The following MYO18B variants were observed in gnomAD, a reference collection of about 807,000 sequenced individuals.
MYO18B encodes unconventional myosin-XVIIIb.
A neutral mutation model predicts 273.0 loss-of-function variants in MYO18B; 204 were observed. The observed-to-expected ratio is 0.75, with a 90% CI of 0.67 to 0.84. The LOEUF (loss-of-function observed/expected upper bound fraction) is 0.84, where lower values mean the gene tolerates loss of function less well. Ranked by LOEUF, MYO18B falls within the 40% of genes least tolerant of loss-of-function variation. MYO18B has a pLI of 0.00. For missense variants in MYO18B, 3,212 were observed against 3,287.6 expected, an observed-to-expected ratio of 0.98 and a Z score of 0.56; for synonymous variants, 1,330 against 1,305.7, an observed-to-expected ratio of 1.02 and a Z score of -0.40.
intron 42 of MYO18B, among the ~76,000 whole-genome samples, chr22:26,017,852 T>C (rs1436841873): frequency 1.3e-5 from 2 of 152,116 alleles, no homozygotes; most frequent in Non-Finnish European, 2.9e-5. Flanking sequence ...AGAGCTCCCA[T>C]ATATCCTTTT....
rs1360884254 is a variant in MYO18B at position 25,992,358 on chromosome 22, C to T, written c.6157-5C>T. ...CCAACGTGTGTTTGCATCTTCTGTC[C>T]CCAGGAGAAGTACGTGGAGGAACTT... On this transcript the variant is annotated splice_region_variant and splice_polypyrimidine_tract_variant and intron_variant, in intron 39 of 43. Coordinates refer to ENST00000335473, the MANE Select transcript of MYO18B (RefSeq NM_032608.7). The T allele has an allele frequency of 2.5e-6, 4 of 1,613,684 alleles. No homozygotes were observed. In the East Asian group the frequency reaches 8.9e-5, roughly 36 times the overall value.
chr22:25,894,161 T>C (rs2091738437), intron 27 of MYO18B, among the ~76,000 whole-genome samples: 1 of 152,264 alleles, frequency 6.6e-6, no homozygotes, highest in Non-Finnish European at 1.5e-5. Context: ...TGGATTTCTA[T>C]AAGCTTCTTT....
At chr22:25,851,396 G>C in intron 20 of MYO18B, 74 bp from the exon 21 acceptor site, 1 of 996,812 alleles carries the variant, frequency 1.0e-6, no homozygotes, top group South Asian at 1.4e-5. Flanking sequence ...CTCCTGTCTA[G>C]GGGTTTAGGG....
At chr22:26,035,142 G>A (rs1400175466), downstream of MYO18B, among the ~76,000 whole-genome samples, 1 of 152,008 alleles carries the variant, frequency 6.6e-6, no homozygotes, top group Non-Finnish European at 1.5e-5. Flanking sequence ...TGCTCATATC[G>A]CAGACCATGA....
intron 3 of MYO18B, among the ~76,000 whole-genome samples, chr22:25,764,048 T>C (rs2086420687): frequency 6.6e-6 from 1 of 152,184 alleles, no homozygotes; most frequent in African/African-American, 2.4e-5. Context: ...GTCCCTCTCC[T>C]GAGTCCCTTG....
At position 25,891,337 on chromosome 22, in the gene MYO18B, G is replaced by T; in HGVS notation, c.4468G>T (p.Asp1490Tyr). 6.3e-7 allele frequency: 1 copy of T among 1,581,156 alleles called. No homozygotes were observed. The highest frequency in any genetic ancestry group is 8.6e-7 in the Non-Finnish European group (1 of 1,163,224). Residue 1490 changes from aspartate (D) to tyrosine (Y), a missense_variant, in exon 27 of 44, where the codon GAT becomes TAT. Transcript: ENST00000335473. ...TGAACAAGTCCAGAAAAAACTGGGA[G>T]ATGTGAATAAACAGTTGGAAGAAGC... ...KHEQVQKKLGDVNKQLEEAQQ... is the reference protein window; with the variant it reads ...KHEQVQKKLGYVNKQLEEAQQ...
At chr22:25,753,240 G>C (rs2331154) in intron 1 of MYO18B, among the ~76,000 whole-genome samples, 47,705 of 151,962 alleles carry the variant, frequency 0.31, 7,861 homozygotes, top group South Asian at 0.42. Flanking sequence ...GGCGGGTGTG[G>C]GGGGGGCGGG....
At chr22:25,873,366 C>G (rs977521935) in intron 22 of MYO18B, among the ~76,000 whole-genome samples, 1 of 152,240 alleles carries the variant, frequency 6.6e-6, no homozygotes, top group East Asian at 1.9e-4. Context: ...CAGCCCCATC[C>G]TCTCCAGACC....
chr22:25,977,580 G>A (rs554411970), intron 39 of MYO18B, among the ~76,000 whole-genome samples: 54 of 152,226 alleles, frequency 3.5e-4, no homozygotes, highest in Non-Finnish European at 6.3e-4. Context: ...CCATGCTGGG[G>A]CATTACAATA....
intron 12 of MYO18B, among the ~76,000 whole-genome samples, chr22:25,815,180 A>G (rs186805044): frequency 1.3e-5 from 2 of 152,324 alleles, no homozygotes; most frequent in East Asian, 1.9e-4. Flanking sequence ...GGACAGTTTG[A>G]TAGATTGAAT....
chr22:25,761,051 C>T lies in MYO18B; in HGVS notation c.-42C>T. ...ATTCCGTGCTGTCTGGCAGGAAGCT[C>T]CATCTCATCTCATCATCTCACGGCC... is the stretch of plus-strand genomic sequence containing the variant. On this transcript the variant is annotated 5_prime_UTR_variant, in exon 2 of 44. Transcript: ENST00000335473. 1 of 1,610,994 alleles carries T rather than the reference C, an allele frequency of 6.2e-7. No homozygotes were observed. The highest frequency in any genetic ancestry group is 8.5e-7 in the Non-Finnish European group (1 of 1,178,250).
chr22:25,937,711 G>A (rs566746508), intron 34 of MYO18B, among the ~76,000 whole-genome samples: 58 of 151,456 alleles, frequency 3.8e-4, no homozygotes, highest in African/African-American at 1.3e-3. Flanking sequence ...TCAGCCTCCC[G>A]AGTAGCTGGG....
At chr22:25,962,916 C>T (rs1382413137) in intron 39 of MYO18B, among the ~76,000 whole-genome samples, 2 of 152,142 alleles carry the variant, frequency 1.3e-5, no homozygotes. Flanking sequence ...CAGAGAGAAA[C>T]CAGTTACAGG....
At chr22:25,905,456 G>A (rs2092023617) in intron 31 of MYO18B, among the ~76,000 whole-genome samples, 1 of 152,180 alleles carries the variant, frequency 6.6e-6, no homozygotes, top group Non-Finnish European at 1.5e-5. Context: ...CATGCTTAGT[G>A]TTAGGGGAAT....
intron 1 of MYO18B, among the ~76,000 whole-genome samples, chr22:25,758,760 A>AT (rs780789313): frequency 0.017 from 2,491 of 143,650 alleles, 27 homozygotes; most frequent in Admixed American, 0.025. Flanking sequence ...GGTGATGAGA[A>AT]TTTTTTTTTT....
chr22:25,932,181 ATTTAAG>A (rs2092512820), intron 34 of MYO18B, among the ~76,000 whole-genome samples: 1 of 152,180 alleles, frequency 6.6e-6, no homozygotes, highest in African/African-American at 2.4e-5. Flanking sequence ...CAAAGGGCTT[ATTTAAG>A]TTTTTCACCC....
At chr22:26,013,859 A>G (rs1171804765) in intron 42 of MYO18B, among the ~76,000 whole-genome samples, 2 of 152,122 alleles carry the variant, frequency 1.3e-5, no homozygotes, top group African/African-American at 4.8e-5. Flanking sequence ...TTCTTTGGTT[A>G]TCCATCTCTT....
At chr22:25,937,455 A>G (rs2092593096) in intron 34 of MYO18B, among the ~76,000 whole-genome samples, 2 of 152,274 alleles carry the variant, frequency 1.3e-5, no homozygotes, top group South Asian at 4.2e-4. Flanking sequence ...AATATTCAAT[A>G]TATACCCAAA....
At chr22:26,058,692 G>A in the MYO18B span, among the ~76,000 whole-genome samples, 1 of 152,096 alleles carries the variant, frequency 6.6e-6, no homozygotes, top group East Asian at 1.9e-4. Context: ...AAAGAGCCTA[G>A]CATCTCCCCT....
Sources: allele counts gnomAD v4.1 joint callset (sites outside exome capture counted in the v4.1 genomes callset), GRCh38; gene constraint gnomAD v4.1.1; transcripts MANE v1.5; gene names NCBI Gene and HGNC (gene_info 2026-07-23, HGNC 2026-07-21).